Variants in CALN1 observed in about 807,000 individuals in gnomAD.
The protein encoded by CALN1 is calcium-binding protein 8.
A neutral mutation model predicts 30.6 loss-of-function variants in CALN1; 17 were observed. The ratio of observed to expected loss-of-function variants is 0.56; its 90% CI spans 0.38 to 0.83. The LOEUF (loss-of-function observed/expected upper bound fraction) is 0.83. Among genes scored for constraint, CALN1 ranks in the 40% least tolerant of loss-of-function variants. The pLI, the probability that CALN1 is intolerant of heterozygous loss-of-function variation, is 0.00. For synonymous variants in CALN1, 156 were observed against 131.4 expected (o/e 1.19, Z -1.28); for missense variants, 291 against 354.9 (o/e 0.82, Z 1.45).
chr7:72,404,184 AAG>A (rs1387851031), intron 1 of CALN1, among the ~76,000 whole-genome samples: 1 of 152,136 alleles, frequency 6.6e-6, no homozygotes, highest in East Asian at 1.9e-4. Context: ...TGGTTGGGTT[AAG>A]GCACCCCTCG....
intron 2 of CALN1, among the ~76,000 whole-genome samples, chr7:72,369,359 T>TTGTTGTTG (rs1554390884): frequency 0.026 from 3,776 of 146,690 alleles, 63 homozygotes; most frequent in Middle Eastern, 0.036. Flanking sequence ...TATTTATTTT[T>TTGTTGTTG]TTGTTGTTGT....
At chr7:71,933,129 A>G (rs1220238037) in intron 5 of CALN1, among the ~76,000 whole-genome samples, 1 of 152,114 alleles carries the variant, frequency 6.6e-6, no homozygotes, top group Non-Finnish European at 1.5e-5. Context: ...CATCAAGAAA[A>G]AAGCTACCTG....
At chr7:72,421,737 C>T (rs939066538) in intron 1 of CALN1, among the ~76,000 whole-genome samples, 1 of 151,904 alleles carries the variant, frequency 6.6e-6, no homozygotes, top group African/African-American at 2.4e-5. Flanking sequence ...CAGGCACATG[C>T]CACCACACCC....
intron 3 of CALN1, among the ~76,000 whole-genome samples, chr7:72,178,474 C>T (rs1239745138): frequency 2.6e-5 from 4 of 152,034 alleles, no homozygotes; most frequent in African/African-American, 9.7e-5. Context: ...AGGTGAATCA[C>T]GAGGTCAGGA....
At chr7:72,340,409 C>T (rs1453183904) in intron 2 of CALN1, among the ~76,000 whole-genome samples, 4 of 149,884 alleles carry the variant, frequency 2.7e-5, no homozygotes, top group Admixed American at 6.7e-5. Context: ...TTAAGTCAAA[C>T]CAAATGTAGA....
At chr7:72,370,220 T>C (rs1234434496) in intron 2 of CALN1, among the ~76,000 whole-genome samples, 1 of 152,216 alleles carries the variant, frequency 6.6e-6, no homozygotes, top group African/African-American at 2.4e-5. Context: ...TGATCAATGA[T>C]GTTGAATATC....
At chr7:72,255,327 A>G (rs912372197) in intron 3 of CALN1, among the ~76,000 whole-genome samples, 5 of 152,094 alleles carry the variant, frequency 3.3e-5, no homozygotes, top group South Asian at 2.1e-4. Flanking sequence ...TCCTGATCTC[A>G]TGATCCACCC....
Position 72,067,439 on chromosome 7 carries a change from G to A in CALN1, c.388+38712C>T, listed in dbSNP as rs562894401. On this transcript the variant is annotated intron_variant, in intron 4 of 6. Transcript: ENST00000395275. ...TTCTATTATTATTTTTAATACAGACGAGGTTTTGCTATGTTGCCCAGGCTG... is the reference window on the plus strand; with the variant it reads ...TTCTATTATTATTTTTAATACAGACAAGGTTTTGCTATGTTGCCCAGGCTG... 5.3e-4 allele frequency among the ~76,000 whole-genome samples: 81 copies of A among 151,658 alleles called. 1 individual carries two copies. Among genetic ancestry groups the A allele is most frequent in the Non-Finnish European group, 2.2e-4 (15 of 67,964 alleles).
intron 3 of CALN1, among the ~76,000 whole-genome samples, chr7:72,164,033 T>G (rs1301093928): frequency 1.3e-5 from 2 of 150,008 alleles, no homozygotes; most frequent in Non-Finnish European, 3.0e-5. Flanking sequence ...AAAAACGGAG[T>G]AGGATGGACT....
At position 72,082,151 on chromosome 7, in the gene CALN1, A is replaced by G. The variant is rs138181894; in HGVS notation, c.388+24000T>C. On this transcript the variant is annotated intron_variant, in intron 4 of 6. Coordinates refer to ENST00000395275, the MANE Select transcript of CALN1 (RefSeq NM_031468.4). ...ACAGGCATGTGCCACCGGGCCGGCT[A>G]ATTTTTGTATTTTTAGTAGAGACAG... is the stretch of plus-strand genomic sequence containing the variant. Among the ~76,000 whole-genome samples the G allele has an allele frequency of 6.9e-3, 1,046 of 151,998 alleles. 12 individuals carry two copies. Among genetic ancestry groups the G allele is most frequent in the African/African-American group, 0.024 (1,003 of 41,480 alleles).
At chr7:72,486,287 T>C in the CALN1 span, among the ~76,000 whole-genome samples, 1 of 152,332 alleles carries the variant, frequency 6.6e-6, no homozygotes, top group East Asian at 1.9e-4. Context: ...ATGCAACGTG[T>C]GACTTAATGA....
the CALN1 span, among the ~76,000 whole-genome samples, chr7:72,458,316 T>C: frequency 0.062 from 607 of 9,758 alleles, 118 homozygotes; most frequent in African/African-American, 0.3. Context: ...ATAATATATT[T>C]TATAATATAT....
At chr7:71,853,055 G>A (rs2116604316) in intron 5 of CALN1, among the ~76,000 whole-genome samples, 1 of 151,906 alleles carries the variant, frequency 6.6e-6, no homozygotes, top group East Asian at 1.9e-4. Flanking sequence ...CTGTTAGAGA[G>A]CTGAAGTTTA....
intron 4 of CALN1, among the ~76,000 whole-genome samples, chr7:72,086,408 GATCA>G (rs1301292893): frequency 2.6e-5 from 4 of 152,030 alleles, no homozygotes; most frequent in African/African-American, 9.7e-5. Context: ...AAATGAAATG[GATCA>G]ATTATTGTAG....
At chr7:72,477,081 C>T in the CALN1 span, among the ~76,000 whole-genome samples, 18 of 152,202 alleles carry the variant, frequency 1.2e-4, no homozygotes, top group East Asian at 2.9e-3. Context: ...CGTGGTGGCG[C>T]GCACTTGTAA....
intron 3 of CALN1, among the ~76,000 whole-genome samples, chr7:72,220,198 C>G (rs947120696): frequency 1.8e-5 from 2 of 113,674 alleles, no homozygotes; most frequent in African/African-American, 6.7e-5. Flanking sequence ...CCCCTCCCCC[C>G]ACCCCACAAC....
chr7:72,455,164 T>C, the CALN1 span, among the ~76,000 whole-genome samples: 4 of 151,964 alleles, frequency 2.6e-5, no homozygotes, highest in African/African-American at 7.2e-5. Context: ...TGGCTGGGCA[T>C]GGTGGAGTGC....
chr7:71,791,839 C>T (rs1444168623), intron 6 of CALN1, among the ~76,000 whole-genome samples: 4 of 152,166 alleles, frequency 2.6e-5, no homozygotes, highest in African/African-American at 9.6e-5. Flanking sequence ...GAAACCCTGT[C>T]TCTACTAAAA....
At chr7:71,952,400 T>G (rs930738986) in intron 5 of CALN1, among the ~76,000 whole-genome samples, 2 of 152,126 alleles carry the variant, frequency 1.3e-5, no homozygotes, top group Non-Finnish European at 1.5e-5. Context: ...AACTCCACAG[T>G]TGGTCCAGGG....
Sources: gnomAD v4.1 joint callset for allele counts (sites outside exome capture counted in the v4.1 genomes callset) on GRCh38, gnomAD v4.1.1 for gene constraint, MANE v1.5 for transcripts, NCBI Gene and HGNC (gene_info 2026-07-23, HGNC 2026-07-21) for gene names.